Variants in BMP3 observed in about 807,000 individuals in gnomAD.
BMP3 encodes bone morphogenetic protein 3, also known as bone morphogenetic protein 3 (osteogenic).
BMP3 carries 23 observed loss-of-function variants against 38.1 expected under a neutral mutation model. The ratio of observed to expected loss-of-function variants is 0.60; its 90% CI spans 0.43 to 0.86. The LOEUF (loss-of-function observed/expected upper bound fraction) is 0.86. Ranked by LOEUF, BMP3 falls within the 40% of genes least tolerant of loss-of-function variation. The pLI is 0.00. For synonymous variants in BMP3, 258 were observed against 225.7 expected (o/e 1.14, Z -1.28); for missense variants, 628 against 579.6 (o/e 1.08, Z -0.86).
Position 81,055,398 on chromosome 4 carries a change from A to G in BMP3, c.*1862A>G, listed in dbSNP as rs1030716910. 1.3e-5 allele frequency: 2 copies of G among 152,202 alleles called. No individual in the cohort carries two copies. Among genetic ancestry groups the G allele is most frequent in the Admixed American group, 6.5e-5 (1 of 15,274 alleles). The allele number at this position is 152,202 out of a possible 1,614,324, so 9.4% of individuals were successfully genotyped here. ...GTGAGACACACCAGTTCTAAAAAAAATGAGTGAAGTTCTGGTGCCTGAGTT... is the reference window on the plus strand; with the variant it reads ...GTGAGACACACCAGTTCTAAAAAAAGTGAGTGAAGTTCTGGTGCCTGAGTT... On this transcript the variant is annotated 3_prime_UTR_variant, in exon 3 of 3. Coordinates refer to ENST00000282701, the MANE Select transcript of BMP3 (RefSeq NM_001201.5).
rs993730850 is a variant in BMP3 at position 81,055,547 on chromosome 4, G to A, written c.*2011G>A. The stretch of plus-strand genomic sequence containing the variant: ...AAAATAAAAGTATATGATAGAAGGG[G>A]GCCAGAGTGTGGCCACCATCCTGAT... On this transcript the variant is annotated 3_prime_UTR_variant, in exon 3 of 3. Transcript: ENST00000282701. The A allele has an allele frequency of 5.3e-5, 8 of 152,062 alleles. No individual in the cohort carries two copies. Among genetic ancestry groups the A allele is most frequent in the African/African-American group, 1.9e-4 (8 of 41,414 alleles). 9.4% of individuals were successfully genotyped at this position (152,062 alleles called of 1,614,324 possible).
At chr4:81,035,380 A>G (rs1404997422) in intron 1 of BMP3, among the ~76,000 whole-genome samples, 1 of 152,082 alleles carries the variant, frequency 6.6e-6, no homozygotes, top group Non-Finnish European at 1.5e-5. Context: ...AATTCACTCA[A>G]GGAATATTTG....
At position 81,054,884 on chromosome 4, in the gene BMP3, A is replaced by G. The variant is rs1184393712; in HGVS notation, c.*1348A>G. 6.6e-6 allele frequency: 1 copy of G among 152,156 alleles called. No homozygotes were observed. Among genetic ancestry groups the G allele is most frequent in the East Asian group, 1.9e-4 (1 of 5,202 alleles). 9.4% of individuals were successfully genotyped at this position (152,156 alleles called of 1,614,324 possible). A position where few individuals can be genotyped will look rare whatever the true frequency, so the allele number is the denominator to read the frequency against. ...TGGTGTTAATCTGTGGTTAATCCTC[A>G]TTTTAGTTCCGTCTTATCTGATACT... On this transcript the variant is annotated 3_prime_UTR_variant, in exon 3 of 3. Transcript: ENST00000282701.
chr4:81,044,363 T>A (rs1000800991), intron 1 of BMP3, among the ~76,000 whole-genome samples: 2 of 152,172 alleles, frequency 1.3e-5, no homozygotes, highest in Non-Finnish European at 2.9e-5. Context: ...CTTGCTAACC[T>A]TTTTTTGTCT....
At chr4:81,033,943 G>T (rs75268512) in intron 1 of BMP3, among the ~76,000 whole-genome samples, 3,473 of 152,292 alleles carry the variant, frequency 0.023, 112 homozygotes, top group East Asian at 0.14. Flanking sequence ...AGATCAGGTG[G>T]TGTGCTGTGT....
At chr4:81,052,567 CA>C (rs1740423681) in intron 2 of BMP3, among the ~76,000 whole-genome samples, 1 of 152,126 alleles carries the variant, frequency 6.6e-6, no homozygotes, top group Admixed American at 6.6e-5. Flanking sequence ...TTTAGGCCCT[CA>C]TAATTCCCAG....
chr4:81,043,248 C>T (rs1270607366), intron 1 of BMP3, among the ~76,000 whole-genome samples: 1 of 152,110 alleles, frequency 6.6e-6, no homozygotes, highest in African/African-American at 2.4e-5. Flanking sequence ...ATGGGAGATT[C>T]CAGAGTTCTA....
In BMP3 at chr4:81,031,359, G is replaced by C. The variant is rs150246562; in HGVS notation, c.75G>C (p.Pro25=). ...FCVSLAQGER[P]KPPFPELRKA... ...TGAGCCTGGCGCAGGGAGAGAGACC[G>C]AAGCCACCTTTCCCGGAGCTCCGCA... is the stretch of plus-strand genomic sequence containing the variant. The change falls in exon 1 of 3, where the codon CCG becomes CCC. Residue 25 remains proline, a synonymous_variant. Coordinates refer to ENST00000282701, the MANE Select transcript of BMP3 (RefSeq NM_001201.5). 1 of 1,612,958 alleles carries C rather than the reference G, an allele frequency of 6.2e-7. No individual in the cohort carries two copies. The highest frequency in any genetic ancestry group is 1.7e-5 in the Admixed American group (1 of 59,950).
chr4:81,034,346 T>C (rs1408942367), intron 1 of BMP3, among the ~76,000 whole-genome samples: 1 of 152,190 alleles, frequency 6.6e-6, no homozygotes, highest in Non-Finnish European at 1.5e-5. Context: ...GAAGGTCAGC[T>C]TCATAAAAAT....
In BMP3 at chr4:81,055,570, G is replaced by T. The variant is rs1046690838; in HGVS notation, c.*2034G>T. On this transcript the variant is annotated 3_prime_UTR_variant, in exon 3 of 3. Transcript: ENST00000282701. ...GGGGCCAGAGTGTGGCCACCATCCTGATCGTACTGTTTTTCAATAAAGAAA... is the reference window on the plus strand; with the variant it reads ...GGGGCCAGAGTGTGGCCACCATCCTTATCGTACTGTTTTTCAATAAAGAAA... The T allele has an allele frequency of 6.6e-6, 1 of 152,116 alleles. No homozygotes were observed. Among genetic ancestry groups the T allele is most frequent in the Admixed American group, 6.5e-5 (1 of 15,268 alleles). 9.4% of individuals were successfully genotyped at this position (152,116 alleles called of 1,614,324 possible).
At chr4:81,038,621 T>C (rs1287785433) in intron 1 of BMP3, among the ~76,000 whole-genome samples, 1 of 152,244 alleles carries the variant, frequency 6.6e-6, no homozygotes, top group Non-Finnish European at 1.5e-5. Context: ...ATAATTCTTT[T>C]CTAATGAACT....
chr4:81,050,878 G>T (rs781135814), intron 2 of BMP3, among the ~76,000 whole-genome samples: 46 of 152,226 alleles, frequency 3.0e-4, no homozygotes, highest in Non-Finnish European at 5.9e-4. Context: ...AGAGTCATGA[G>T]AAACATGACC....
At position 81,053,412 on chromosome 4, in the gene BMP3, T is replaced by C; in HGVS notation, c.1295T>C (p.Ile432Thr). The C allele has an allele frequency of 6.2e-7, 1 of 1,611,708 alleles. No homozygotes were observed. Among genetic ancestry groups the C allele is most frequent in the South Asian group, 1.1e-5 (1 of 90,658 alleles). The change falls in exon 3 of 3, where the codon ATT (isoleucine) becomes ACT (threonine). Residue 432 changes from isoleucine to threonine, a missense_variant. By Grantham distance (89) the Ile-to-Thr change is moderately conservative (BLOSUM62 -1). Transcript: ENST00000282701. Reference protein sequence around the residue: ...IVRAVGVVPGIPEPCCVPEKM... With the variant: ...IVRAVGVVPGTPEPCCVPEKM... ...AGAGCTGTGGGGGTCGTTCCTGGGA[T>C]TCCTGAGCCTTGCTGTGTACCAGAA...
Position 81,054,603 on chromosome 4 carries a change from AAGTC to A in BMP3, c.*1070_*1073del, listed in dbSNP as rs1415073377. The A allele has an allele frequency of 6.6e-6, 1 of 152,170 alleles. No individual in the cohort carries two copies. The highest frequency in any genetic ancestry group is 1.5e-5 in the Non-Finnish European group (1 of 68,024). 9.4% of individuals were successfully genotyped at this position (152,170 alleles called of 1,614,324 possible). On this transcript the variant is annotated 3_prime_UTR_variant, in exon 3 of 3. Transcript: ENST00000282701. ...TGAATATCATTCTTCAGTCACATCT[AAGTC>A]AGGCACTTTTTCACATAGATCAGGG...
chr4:81,042,298 C>G (rs993551711), intron 1 of BMP3, among the ~76,000 whole-genome samples: 1 of 152,162 alleles, frequency 6.6e-6, no homozygotes, highest in Non-Finnish European at 1.5e-5. Flanking sequence ...CTGGAAACCA[C>G]AGTTCTAGTT....
At chr4:81,035,068 T>C (rs1156563903) in intron 1 of BMP3, among the ~76,000 whole-genome samples, 1 of 152,082 alleles carries the variant, frequency 6.6e-6, no homozygotes, top group Non-Finnish European at 1.5e-5. Flanking sequence ...TAAAGGACAA[T>C]AGTACATCTG....
intron 2 of BMP3, among the ~76,000 whole-genome samples, chr4:81,048,659 T>C (rs1740325763): frequency 6.6e-6 from 1 of 152,224 alleles, no homozygotes; most frequent in Non-Finnish European, 1.5e-5. Context: ...TGTTTCTCAG[T>C]GATCTAAAGA....
At chr4:81,035,255 G>T (rs28394540) in intron 1 of BMP3, among the ~76,000 whole-genome samples, 1 of 151,872 alleles carries the variant, frequency 6.6e-6, no homozygotes, top group Admixed American at 6.6e-5. Flanking sequence ...GAAAGGGAAT[G>T]AATTACATAT....
At chr4:81,037,290 ATTAAT>A (rs1316060294) in intron 1 of BMP3, 1 of 159,720 alleles carries the variant, frequency 6.3e-6, no homozygotes, top group African/African-American at 2.4e-5. Context: ...GTTGCATGAA[ATTAAT>A]TTAAAGATGA....
Sources: gnomAD v4.1 joint callset for allele counts (sites outside exome capture counted in the v4.1 genomes callset) on GRCh38, gnomAD v4.1.1 for gene constraint, MANE v1.5 for transcripts, NCBI Gene and HGNC (gene_info 2026-07-23, HGNC 2026-07-21) for gene names.